Variants in IGF2BP2 observed in about 807,000 individuals in gnomAD.
IGF2BP2 encodes insulin like growth factor 2 mRNA binding protein 2.
Under a neutral mutation model 75.8 loss-of-function variants are expected in IGF2BP2, and 17 were observed. That is an observed-to-expected ratio of 0.22 (90% CI 0.15 to 0.34). The LOEUF (loss-of-function observed/expected upper bound fraction) is 0.34. Among genes scored for constraint, IGF2BP2 ranks in the 10% least tolerant of loss-of-function variants. The probability of loss-of-function intolerance (pLI) is 1.00; values close to 1 mark genes in which losing one functional copy is unlikely to be tolerated. For missense variants in IGF2BP2, 516 were observed against 772.4 expected (o/e 0.67, Z 3.93); for synonymous variants, 288 against 295.6 (o/e 0.97, Z 0.26).
At chr3:185,770,462 A>G (rs1733731814) in intron 2 of IGF2BP2, among the ~76,000 whole-genome samples, 1 of 152,254 alleles carries the variant, frequency 6.6e-6, no homozygotes, top group Non-Finnish European at 1.5e-5. Context: ...TATTTTCACA[A>G]GCATCTTATT....
intron 3 of IGF2BP2, among the ~76,000 whole-genome samples, 180 bp downstream of exon 3, chr3:185,698,119 A>T (rs999573428): frequency 1.3e-5 from 2 of 152,360 alleles, no homozygotes; most frequent in African/African-American, 2.4e-5. Context: ...ACATTCTATG[A>T]AAGAAACAAA....
chr3:185,820,968 G>A (rs772237400), intron 2 of IGF2BP2: 53 of 1,522,592 alleles, frequency 3.5e-5, no homozygotes, highest in Non-Finnish European at 4.6e-5. Flanking sequence ...CACCAAAATA[G>A]TCTCCATATA....
At chr3:185,657,677 C>T (rs562480753) in intron 11 of IGF2BP2, among the ~76,000 whole-genome samples, 49 of 152,334 alleles carry the variant, frequency 3.2e-4, no homozygotes, top group African/African-American at 1.1e-3. Context: ...GCTGTCTGAT[C>T]GCAGGTTTTC....
chr3:185,800,437 A>G (rs1301143513), intron 2 of IGF2BP2, among the ~76,000 whole-genome samples: 1 of 152,104 alleles, frequency 6.6e-6, no homozygotes, highest in Non-Finnish European at 1.5e-5. Context: ...AAATACAATA[A>G]TAAAAATAAA....
intron 12 of IGF2BP2, among the ~76,000 whole-genome samples, chr3:185,656,405 C>T (rs886491183): frequency 6.6e-6 from 1 of 152,380 alleles, no homozygotes; most frequent in East Asian, 1.9e-4. Context: ...CTGTACTACT[C>T]AGAATATTTT....
At chr3:185,773,679 G>A (rs1398414930) in intron 2 of IGF2BP2, among the ~76,000 whole-genome samples, 1 of 152,098 alleles carries the variant, frequency 6.6e-6, no homozygotes, top group Non-Finnish European at 1.5e-5. Flanking sequence ...ATGAGCAACT[G>A]GCCTTATCCC....
At chr3:185,680,770 C>T (rs1374360464) in intron 7 of IGF2BP2, among the ~76,000 whole-genome samples, 1 of 151,900 alleles carries the variant, frequency 6.6e-6, no homozygotes, top group Non-Finnish European at 1.5e-5. Flanking sequence ...GTAGTGAGAC[C>T]CCATTACTAT....
chr3:185,698,506 TTTG>T (rs1722868257), intron 2 of IGF2BP2, among the ~76,000 whole-genome samples, 159 bp from the exon 3 acceptor site: 1 of 152,294 alleles, frequency 6.6e-6, no homozygotes, highest in Non-Finnish European at 1.5e-5. Flanking sequence ...GCATAGTTTT[TTTG>T]TTGTTTTTTT....
intron 2 of IGF2BP2, among the ~76,000 whole-genome samples, chr3:185,805,146 A>G (rs1389939779): frequency 6.6e-6 from 1 of 152,142 alleles, no homozygotes; most frequent in Admixed American, 6.5e-5. Context: ...TCAAGTATCA[A>G]TTGTACTGGC....
intron 7 of IGF2BP2, among the ~76,000 whole-genome samples, chr3:185,678,645 T>G (rs962306764): frequency 2.6e-5 from 4 of 152,218 alleles, no homozygotes; most frequent in Non-Finnish European, 5.9e-5. Context: ...GTATGTCTGT[T>G]GGTCTATAGT....
At chr3:185,711,519 C>T (rs902387755) in intron 2 of IGF2BP2, among the ~76,000 whole-genome samples, 10 of 151,882 alleles carry the variant, frequency 6.6e-5, no homozygotes, top group Admixed American at 3.3e-4. Context: ...GTTTTCATCA[C>T]TTCCTGAGTT....
At chr3:185,671,919 T>C (rs1718569657) in intron 10 of IGF2BP2, among the ~76,000 whole-genome samples, 2 of 152,236 alleles carry the variant, frequency 1.3e-5, no homozygotes, top group African/African-American at 4.8e-5. Context: ...CCCAATTTGG[T>C]AATGTACTGA....
intron 12 of IGF2BP2, among the ~76,000 whole-genome samples, chr3:185,655,081 T>C (rs1715218458): frequency 2.0e-5 from 3 of 152,220 alleles, no homozygotes; most frequent in Admixed American, 6.5e-5. Flanking sequence ...AGACAGATGT[T>C]TTCAGGGACC....
intron 2 of IGF2BP2, among the ~76,000 whole-genome samples, chr3:185,704,651 T>C (rs1723762858): frequency 6.6e-6 from 1 of 152,156 alleles, no homozygotes; most frequent in African/African-American, 2.4e-5. Context: ...GGTTTTGACA[T>C]ATTGCCTAGG....
chr3:185,757,772 G>C (rs905820294), intron 2 of IGF2BP2, among the ~76,000 whole-genome samples: 2 of 152,116 alleles, frequency 1.3e-5, no homozygotes, highest in African/African-American at 2.4e-5. Context: ...TATAGCTCAT[G>C]TATTTTTAAA....
chr3:185,663,455 TC>T (rs1716792441), intron 10 of IGF2BP2, among the ~76,000 whole-genome samples: 1 of 152,182 alleles, frequency 6.6e-6, no homozygotes, highest in Non-Finnish European at 1.5e-5. Flanking sequence ...GTTTGACTCT[TC>T]TGGGGGGTAG....
chr3:185,680,206 G>A (rs1298692281), intron 7 of IGF2BP2, among the ~76,000 whole-genome samples: 1 of 152,098 alleles, frequency 6.6e-6, no homozygotes, highest in African/African-American at 2.4e-5. Flanking sequence ...TAACCTAGAA[G>A]AAATGGACCA....
intron 2 of IGF2BP2, among the ~76,000 whole-genome samples, chr3:185,700,553 A>G (rs1206447763): frequency 6.6e-6 from 1 of 152,246 alleles, no homozygotes; most frequent in East Asian, 1.9e-4. Flanking sequence ...CAGTGGCTAC[A>G]TGGAAATTCT....
At chr3:185,791,698 A>G (rs950168812) in intron 2 of IGF2BP2, among the ~76,000 whole-genome samples, 3 of 152,244 alleles carry the variant, frequency 2.0e-5, no homozygotes, top group African/African-American at 7.2e-5. Context: ...AAGAGAGAGA[A>G]GACAATGGAA....
Sources: gnomAD v4.1 joint callset for allele counts (sites outside exome capture counted in the v4.1 genomes callset) on GRCh38, gnomAD v4.1.1 for gene constraint, MANE v1.5 for transcripts, NCBI Gene and HGNC (gene_info 2026-07-23, HGNC 2026-07-21) for gene names.